TXNRD1: variants seen among roughly 807,000 people sequenced by gnomAD.
TXNRD1 encodes thioredoxin reductase 1, also known as thioredoxin reductase 1, cytoplasmic.
A neutral mutation model predicts 80.3 loss-of-function variants in TXNRD1; 57 were observed. The observed-to-expected ratio is 0.71, with a 90% CI of 0.57 to 0.89. The LOEUF is 0.89. TXNRD1 is among the 40% of genes least tolerant of loss of function. TXNRD1 has a pLI of 0.00. For missense variants in TXNRD1, 730 were observed against 803.0 expected, an observed-to-expected ratio of 0.91 and a Z score of 1.10; for synonymous variants, 291 against 285.2, an observed-to-expected ratio of 1.02 and a Z score of -0.20.
intron 3 of TXNRD1, among the ~76,000 whole-genome samples, chr12:104,281,135 T>G (rs867136239): frequency 1.1e-4 from 16 of 152,258 alleles, no homozygotes; most frequent in Middle Eastern, 6.8e-3. Flanking sequence ...CTCCCATCTT[T>G]CTTCCTCCTC....
chr12:104,299,767 C>CAAAAA (rs35918319), intron 4 of TXNRD1, among the ~76,000 whole-genome samples: 1 of 104,856 alleles, frequency 9.5e-6, no homozygotes, highest in Non-Finnish European at 1.9e-5. Flanking sequence ...GACTCCGTCT[C>CAAAAA]AAAAAAAAAA....
intron 4 of TXNRD1, chr12:104,303,878 G>C: frequency 2.7e-6 from 4 of 1,499,214 alleles, no homozygotes; most frequent in Non-Finnish European, 3.5e-6. Flanking sequence ...GGAGCAGCTC[G>C]TGATCATCCC....
rs1040604247 is a variant in TXNRD1 at position 104,309,938 on chromosome 12, A to G, written c.415-1352A>G. On this transcript the variant is annotated intron_variant, in intron 4 of 16. Transcript: ENST00000525566. ...CCCTGAGCCACTACGTATGCCCGCC[A>G]TGCTGCCAACAGGTAGCCACAGTGC... The G allele has an allele frequency of 4.6e-6, 7 of 1,535,996 alleles. No homozygotes were observed. In the African/African-American group the frequency reaches 6.8e-5, roughly 15 times the overall value.
In TXNRD1 at chr12:104,225,900, A is replaced by G. The variant is rs1055774961; in HGVS notation, c.91+10007A>G. ...TAGTGGATTACCAGTATCTGGAAAC[A>G]ATAGAAAAAGGAGCTTATGCCGGGC... On this transcript the variant is annotated intron_variant, in intron 1 of 16. Transcript: ENST00000525566. Among the ~76,000 whole-genome samples, 9 of 152,208 alleles carry G rather than the reference A, an allele frequency of 5.9e-5. No homozygotes were observed. In the South Asian group the frequency reaches 8.3e-4, roughly 14 times the overall value.
At chr12:104,290,714 A>AATAT (rs1439546116) in intron 4 of TXNRD1, among the ~76,000 whole-genome samples, 3 of 49,154 alleles carry the variant, frequency 6.1e-5, no homozygotes, top group East Asian at 4.5e-4. Flanking sequence ...AAAAAAAAGA[A>AATAT]ATATACATAT....
At chr12:104,291,016 C>A in intron 4 of TXNRD1, 1 of 675,620 alleles carries the variant, frequency 1.5e-6, no homozygotes, top group Non-Finnish European at 2.7e-6. Flanking sequence ...ATTATGTTGT[C>A]CAGGCTGGTC....
At chr12:104,260,502 A>G (rs1230536515) in intron 3 of TXNRD1, among the ~76,000 whole-genome samples, 2 of 151,944 alleles carry the variant, frequency 1.3e-5, no homozygotes, top group African/African-American at 2.4e-5. Context: ...AAAAAACAAC[A>G]ACAACAGAAA....
At chr12:104,237,202 G>A (rs2032758955) in intron 1 of TXNRD1, among the ~76,000 whole-genome samples, 1 of 152,136 alleles carries the variant, frequency 6.6e-6, no homozygotes, top group African/African-American at 2.4e-5. Flanking sequence ...ACTTCACATT[G>A]TGGGAGAGCT....
chr12:104,348,270 T>G, intron 16 of TXNRD1, 83 bp from the exon 17 acceptor site: 1 of 1,270,082 alleles, frequency 7.9e-7, no homozygotes, highest in Non-Finnish European at 1.1e-6. Context: ...ATGGTTTTAA[T>G]GCATATGGCA....
At chr12:104,219,579 G>A (rs1027538101) in intron 1 of TXNRD1, among the ~76,000 whole-genome samples, 9 of 152,204 alleles carry the variant, frequency 5.9e-5, no homozygotes, top group African/African-American at 1.9e-4. Context: ...ATGGCAGAGG[G>A]AGTTAACATC....
At chr12:104,332,993 GT>G (rs1421779001) in intron 14 of TXNRD1, among the ~76,000 whole-genome samples, 3 of 151,536 alleles carry the variant, frequency 2.0e-5, no homozygotes, top group Non-Finnish European at 4.4e-5. Flanking sequence ...GTTTGATGAA[GT>G]TACAGTTTTA....
chr12:104,306,794 C>T (rs956724109), intron 4 of TXNRD1, among the ~76,000 whole-genome samples: 3 of 152,228 alleles, frequency 2.0e-5, no homozygotes, highest in African/African-American at 7.2e-5. Context: ...TGATCTCACT[C>T]ATCCTCATTT....
At chr12:104,234,638 GAAAAA>G (rs33956129) in intron 1 of TXNRD1, among the ~76,000 whole-genome samples, 25 of 125,926 alleles carry the variant, frequency 2.0e-4, no homozygotes, top group Admixed American at 6.0e-4. Flanking sequence ...TAAAGTCAGG[GAAAAA>G]AAAAAAAAAA....
intron 16 of TXNRD1, among the ~76,000 whole-genome samples, chr12:104,342,136 T>C (rs547058015): frequency 3.9e-5 from 6 of 152,204 alleles, no homozygotes; most frequent in African/African-American, 1.4e-4. Context: ...GTAGGCATGA[T>C]TGATTAATCA....
At chr12:104,271,183 C>CTTTTTTT (rs1165430972) in intron 3 of TXNRD1, among the ~76,000 whole-genome samples, 3 of 127,354 alleles carry the variant, frequency 2.4e-5, no homozygotes, top group South Asian at 2.5e-4. Flanking sequence ...TTAGTTCTTT[C>CTTTTTTT]TTTTTTTTTT....
chr12:104,342,042 G>A (rs147630736), intron 16 of TXNRD1, among the ~76,000 whole-genome samples: 3 of 152,246 alleles, frequency 2.0e-5, no homozygotes, highest in Non-Finnish European at 4.4e-5. Flanking sequence ...CTCTAGGTGT[G>A]GCATCTTCCC....
At chr12:104,331,898 A>G (rs2035964936) in intron 14 of TXNRD1, among the ~76,000 whole-genome samples, 1 of 151,934 alleles carries the variant, frequency 6.6e-6, no homozygotes, top group Non-Finnish European at 1.5e-5. Flanking sequence ...TTTATTGTGT[A>G]TTTCTATGAA....
At chr12:104,318,563 A>G (rs1263636408) in intron 7 of TXNRD1, among the ~76,000 whole-genome samples, 2 of 152,264 alleles carry the variant, frequency 1.3e-5, no homozygotes, top group Non-Finnish European at 2.9e-5. Flanking sequence ...ATACTCGGCT[A>G]CATCAGAATC....
At chr12:104,225,202 T>C (rs2032445022) in intron 1 of TXNRD1, among the ~76,000 whole-genome samples, 1 of 152,222 alleles carries the variant, frequency 6.6e-6, no homozygotes, top group South Asian at 2.1e-4. Context: ...ATTTATTGAA[T>C]GCTTATTATG....
Sources: gnomAD v4.1 joint callset for allele counts (sites outside exome capture counted in the v4.1 genomes callset) on GRCh38, gnomAD v4.1.1 for gene constraint, MANE v1.5 for transcripts, NCBI Gene and HGNC (gene_info 2026-07-23, HGNC 2026-07-21) for gene names.